Variants in ADAMTS3 observed in about 807,000 individuals in gnomAD.
ADAMTS3 encodes the protein A disintegrin and metalloproteinase with thrombospondin motifs 3.
In ADAMTS3, 73 loss-of-function variants were observed where a neutral mutation model predicts 129.0. The ratio of observed to expected loss-of-function variants is 0.57; its 90% CI spans 0.47 to 0.69. The LOEUF (loss-of-function observed/expected upper bound fraction) is 0.69. Ranked by LOEUF, ADAMTS3 falls within the 30% of genes least tolerant of loss-of-function variation. The probability of loss-of-function intolerance (pLI) is 0.00; values close to 1 mark genes in which losing one functional copy is unlikely to be tolerated. For missense variants in ADAMTS3, 1,457 were observed against 1,514.5 expected, an observed-to-expected ratio of 0.96 and a Z score of 0.63; for synonymous variants, 477 against 510.8, an observed-to-expected ratio of 0.93 and a Z score of 0.89.
At chr4:72,288,965 C>A in intron 20 of ADAMTS3, 97 bp from the exon 21 acceptor site, 1 of 670,792 alleles carries the variant, frequency 1.5e-6, no homozygotes, top group Non-Finnish European at 2.6e-6. Flanking sequence ...CACACACACA[C>A]ACAAAGACAC....
intron 4 of ADAMTS3, among the ~76,000 whole-genome samples, chr4:72,353,627 A>G (rs759800772): frequency 2.6e-5 from 4 of 151,998 alleles, no homozygotes; most frequent in Non-Finnish European, 5.9e-5. Flanking sequence ...CTTCTGTATC[A>G]TTCTGGGAAC....
Position 72,306,046 on chromosome 4 carries a change from A to G in ADAMTS3, c.2201T>C (p.Ile734Thr). The part of the protein sequence containing the change: ...RKLGYLKMFD[I>T]PPGARHVLIQ... ...TAACACATGTCTAGCCCCAGGGGGTATATCAAACATCTTAAGGTACCCTTT... is the reference window on the plus strand; with the variant it reads ...TAACACATGTCTAGCCCCAGGGGGTGTATCAAACATCTTAAGGTACCCTTT... Residue 734 changes from isoleucine (I) to threonine (T), a missense_variant, in exon 16 of 22, where the codon ATA (isoleucine) becomes ACA (threonine). Coordinates refer to ENST00000286657, the MANE Select transcript of ADAMTS3 (RefSeq NM_014243.3). The G allele has an allele frequency of 6.2e-7, 1 of 1,607,394 alleles. No individual in the cohort carries two copies. Among genetic ancestry groups the G allele is most frequent in the Non-Finnish European group, 8.5e-7 (1 of 1,177,228 alleles).
At position 72,529,242 on chromosome 4, in the gene ADAMTS3, G is replaced by A. The variant is rs142790375; in HGVS notation, c.504+19236C>T. On this transcript the variant is annotated intron_variant, in intron 3 of 21. Transcript: ENST00000286657. ...AGTAAACGAAGTAAGGAGTTGAGGG[G>A]AAATGACATCAGGGAAGTATACTGA... Among the ~76,000 whole-genome samples the A allele has an allele frequency of 5.8e-3, 876 of 152,254 alleles. 2 individuals carry two copies. The highest frequency in any genetic ancestry group is 0.02 in the African/African-American group (839 of 41,566).
intron 4 of ADAMTS3, among the ~76,000 whole-genome samples, chr4:72,405,460 C>T (rs1392446007): frequency 2.0e-5 from 3 of 151,992 alleles, no homozygotes; most frequent in Non-Finnish European, 4.4e-5. Flanking sequence ...TTAAAAAAAA[C>T]AGATTTGTAA....
At chr4:72,357,462 G>T in intron 4 of ADAMTS3, among the ~76,000 whole-genome samples, 1 of 151,862 alleles carries the variant, frequency 6.6e-6, no homozygotes, top group East Asian at 1.9e-4. Flanking sequence ...ACTACTACAT[G>T]CAACAATATG....
chr4:72,340,647 TACACACATAC>T (rs1360370252), intron 4 of ADAMTS3, among the ~76,000 whole-genome samples: 5 of 152,026 alleles, frequency 3.3e-5, no homozygotes, highest in Non-Finnish European at 7.4e-5. Context: ...GAACATTTCA[TACACACATAC>T]ACACACATAT....
chr4:72,426,804 G>A (rs555123780), intron 3 of ADAMTS3, among the ~76,000 whole-genome samples: 18 of 151,966 alleles, frequency 1.2e-4, no homozygotes, highest in Middle Eastern at 6.8e-3. Flanking sequence ...GAGATGAGAG[G>A]ACTTGCTTGA....
At chr4:72,393,323 T>C (rs901100065) in intron 4 of ADAMTS3, among the ~76,000 whole-genome samples, 3 of 152,212 alleles carry the variant, frequency 2.0e-5, no homozygotes, top group Non-Finnish European at 4.4e-5. Flanking sequence ...TGGGATATTA[T>C]ATAGACTTGG....
chr4:72,476,712 A>C (rs1719243964), intron 3 of ADAMTS3, among the ~76,000 whole-genome samples: 1 of 152,158 alleles, frequency 6.6e-6, no homozygotes, highest in Non-Finnish European at 1.5e-5. Flanking sequence ...ATTACACATC[A>C]ACATTCCTCA....
intron 2 of ADAMTS3, among the ~76,000 whole-genome samples, chr4:72,565,112 T>C (rs192233217): frequency 2.6e-5 from 4 of 152,336 alleles, no homozygotes; most frequent in Non-Finnish European, 2.9e-5. Flanking sequence ...ACATCTATAC[T>C]ACACTTCAGT....
intron 17 of ADAMTS3, among the ~76,000 whole-genome samples, chr4:72,302,408 G>C (rs1480702051): frequency 6.6e-6 from 1 of 151,812 alleles, no homozygotes; most frequent in Non-Finnish European, 1.5e-5. Context: ...GATCACCTAA[G>C]AGAAATAGTG....
intron 3 of ADAMTS3, among the ~76,000 whole-genome samples, chr4:72,487,252 CAAAT>C (rs778896930): frequency 8.6e-5 from 13 of 151,888 alleles, no homozygotes; most frequent in Non-Finnish European, 1.3e-4. Flanking sequence ...TTCAGGAAAA[CAAAT>C]AAGTAGAAGA....
rs549022788 is a variant in ADAMTS3, at chr4:72,461,683, C to T, written c.505-46712G>A. ...CTTTATTAAAACAAATCTAATCTCT[C>T]TGCTCACTCCTTCCATTCAACAATA... On this transcript the variant is annotated intron_variant, in intron 3 of 21. Coordinates refer to ENST00000286657, the MANE Select transcript of ADAMTS3 (RefSeq NM_014243.3). Among the ~76,000 whole-genome samples, 7 of 152,038 alleles carry T rather than the reference C, an allele frequency of 4.6e-5. No individual in the cohort carries two copies. In the South Asian group the frequency reaches 1.5e-3, roughly 32 times the overall value.
At chr4:72,490,103 T>C (rs1438166242) in intron 3 of ADAMTS3, among the ~76,000 whole-genome samples, 2 of 152,068 alleles carry the variant, frequency 1.3e-5, no homozygotes, top group African/African-American at 4.8e-5. Context: ...TGCATTTCCC[T>C]GATGATTAGT....
chr4:72,524,489 CTAAG>C (rs1454168605), intron 3 of ADAMTS3, among the ~76,000 whole-genome samples: 3 of 152,036 alleles, frequency 2.0e-5, no homozygotes, highest in South Asian at 2.1e-4. Context: ...AGGCACTATA[CTAAG>C]TGTTTAATCA....
At chr4:72,415,834 G>C (rs556052315) in intron 3 of ADAMTS3, among the ~76,000 whole-genome samples, 3 of 151,792 alleles carry the variant, frequency 2.0e-5, no homozygotes, top group Non-Finnish European at 4.4e-5. Context: ...GTTGTGGCTC[G>C]TGTTTCTACT....
chr4:72,303,330 A>G (rs981490104), intron 17 of ADAMTS3, among the ~76,000 whole-genome samples: 1 of 144,346 alleles, frequency 6.9e-6, no homozygotes, highest in African/African-American at 2.4e-5. Context: ...TTTTTCTTTG[A>G]TCAGCCCCCA....
At chr4:72,497,039 T>C (rs1719890198) in intron 3 of ADAMTS3, among the ~76,000 whole-genome samples, 1 of 152,044 alleles carries the variant, frequency 6.6e-6, no homozygotes, top group Non-Finnish European at 1.5e-5. Flanking sequence ...CTTTGGAAGC[T>C]GCCAGAGGCT....
chr4:72,568,642 C>A, intron 1 of ADAMTS3, 52 bp downstream of exon 1: 1 of 1,436,546 alleles, frequency 7.0e-7, no homozygotes, highest in South Asian at 1.2e-5. Flanking sequence ...AGGAACTTTT[C>A]GGGAAAAGGT....
Sources: allele counts gnomAD v4.1 joint callset (sites outside exome capture counted in the v4.1 genomes callset), GRCh38; gene constraint gnomAD v4.1.1; transcripts MANE v1.5; gene names NCBI Gene and HGNC (gene_info 2026-07-23, HGNC 2026-07-21).